Variants in PHF24 observed in about 807,000 individuals in gnomAD.
PHF24 encodes the protein Galpha inhibitory interacting protein.
A neutral mutation model predicts 42.6 loss-of-function variants in PHF24; 25 were observed. The observed-to-expected ratio is 0.59, with a 90% CI of 0.43 to 0.82. The LOEUF is 0.82. Ranked by LOEUF, PHF24 falls within the 40% of genes least tolerant of loss-of-function variation. PHF24 has a pLI of 0.00. For synonymous variants in PHF24, 185 were observed against 204.8 expected, an observed-to-expected ratio of 0.90 and a Z score of 0.83; for missense variants, 470 against 538.1, an observed-to-expected ratio of 0.87 and a Z score of 1.25.
chr9:34,773,043 T>G, the PHF24 span, among the ~76,000 whole-genome samples: 7 of 149,784 alleles, frequency 4.7e-5, no homozygotes, highest in East Asian at 1.4e-3. Context: ...CAGGCTGGAG[T>G]GCAACGGCGC....
the PHF24 span, among the ~76,000 whole-genome samples, chr9:34,711,052 C>T: frequency 1.3e-5 from 2 of 151,820 alleles, no homozygotes; most frequent in African/African-American, 4.8e-5. Context: ...ATAATACCAA[C>T]TTAGTTTCAA....
At chr9:34,928,061 C>T in the PHF24 span, among the ~76,000 whole-genome samples, 8 of 151,886 alleles carry the variant, frequency 5.3e-5, no homozygotes, top group Non-Finnish European at 8.8e-5. Flanking sequence ...ACTAAAAATA[C>T]AAAAATTAGC....
chr9:34,883,142 G>A, the PHF24 span, among the ~76,000 whole-genome samples: 1 of 152,170 alleles, frequency 6.6e-6, no homozygotes, highest in Non-Finnish European at 1.5e-5. Flanking sequence ...AGATGGTGCT[G>A]GGAAAACTGG....
At chr9:34,670,800 A>G in the PHF24 span, among the ~76,000 whole-genome samples, 1 of 152,136 alleles carries the variant, frequency 6.6e-6, no homozygotes, top group African/African-American at 2.4e-5. Flanking sequence ...TGTAGTACTA[A>G]GATACCTGGG....
At chr9:34,778,002 A>G in the PHF24 span, among the ~76,000 whole-genome samples, 1 of 152,178 alleles carries the variant, frequency 6.6e-6, no homozygotes, top group Non-Finnish European at 1.5e-5. Flanking sequence ...CTTTCCCCAC[A>G]TTGGTTTCTA....
intron 1 of PHF24, among the ~76,000 whole-genome samples, chr9:34,963,099 G>A (rs994328313): frequency 1.8e-4 from 28 of 152,092 alleles, no homozygotes; most frequent in Admixed American, 1.3e-3. Flanking sequence ...TAGTTTCTAG[G>A]CTACTGCCAG....
At chr9:34,886,004 T>C in the PHF24 span, among the ~76,000 whole-genome samples, 150 of 152,112 alleles carry the variant, frequency 9.9e-4, 3 homozygotes, top group East Asian at 9.1e-3. Flanking sequence ...CACACTCCCT[T>C]ATATGTGGAG....
the PHF24 span, among the ~76,000 whole-genome samples, chr9:34,720,762 C>T: frequency 1.3e-5 from 2 of 152,134 alleles, no homozygotes; most frequent in Non-Finnish European, 2.9e-5. Flanking sequence ...AGTCTCCATG[C>T]ATTTAGAGCT....
At chr9:34,893,683 G>A in the PHF24 span, among the ~76,000 whole-genome samples, 1 of 152,186 alleles carries the variant, frequency 6.6e-6, no homozygotes, top group African/African-American at 2.4e-5. Flanking sequence ...AGCTTGTTGG[G>A]CAAGGCTTCA....
the PHF24 span, among the ~76,000 whole-genome samples, chr9:34,671,515 C>T: frequency 2.0e-5 from 3 of 152,184 alleles, no homozygotes; most frequent in African/African-American, 4.8e-5. Context: ...TTTTATACCC[C>T]AGGGCAATGT....
the PHF24 span, among the ~76,000 whole-genome samples, chr9:34,780,485 A>C: frequency 6.3e-3 from 953 of 151,468 alleles, 10 homozygotes; most frequent in Non-Finnish European, 0.01. Context: ...GGGTTTCACC[A>C]TGTTGCCCAG....
the PHF24 span, among the ~76,000 whole-genome samples, chr9:34,879,954 G>A: frequency 1.3e-5 from 2 of 152,186 alleles, no homozygotes; most frequent in African/African-American, 2.4e-5. Context: ...CAGAGAGAAA[G>A]GTCAGGTTAC....
chr9:34,683,725 TTC>T, the PHF24 span, among the ~76,000 whole-genome samples: 3 of 152,202 alleles, frequency 2.0e-5, no homozygotes, highest in African/African-American at 7.2e-5. Flanking sequence ...GGGCAGGAAA[TTC>T]TCTGTTTTTC....
chr9:34,966,091 T>C (rs1826757278), intron 1 of PHF24, among the ~76,000 whole-genome samples: 1 of 152,214 alleles, frequency 6.6e-6, no homozygotes, highest in South Asian at 2.1e-4. Flanking sequence ...AAACTCACTG[T>C]TTTGTAGTCT....
chr9:34,686,944 T>A, the PHF24 span, among the ~76,000 whole-genome samples: 4 of 151,792 alleles, frequency 2.6e-5, no homozygotes, highest in African/African-American at 9.7e-5. Context: ...GTGCTGAGAA[T>A]GTTAGAGTGG....
the PHF24 span, chr9:34,917,533 G>T: frequency 2.6e-6 from 2 of 775,244 alleles, no homozygotes; most frequent in South Asian, 2.7e-5. Flanking sequence ...CCTGTAAACG[G>T]ATAATCGACG....
chr9:34,933,491 G>A, the PHF24 span, among the ~76,000 whole-genome samples: 26 of 152,020 alleles, frequency 1.7e-4, no homozygotes, highest in Admixed American at 1.6e-3. Context: ...TTGGGAGGCC[G>A]AGGTGAGTGG....
chr9:34,817,314 A>G, the PHF24 span, among the ~76,000 whole-genome samples: 1 of 152,136 alleles, frequency 6.6e-6, no homozygotes, highest in African/African-American at 2.4e-5. Context: ...GCACAATCAT[A>G]GCTCACTGCA....
At chr9:34,874,905 A>T in the PHF24 span, among the ~76,000 whole-genome samples, 1 of 152,192 alleles carries the variant, frequency 6.6e-6, no homozygotes, top group Non-Finnish European at 1.5e-5. Context: ...TAGGCACGTC[A>T]TGGAGAATGG....
Sources: gnomAD v4.1 joint callset for allele counts (sites outside exome capture counted in the v4.1 genomes callset) on GRCh38, gnomAD v4.1.1 for gene constraint, MANE v1.5 for transcripts, NCBI Gene and HGNC (gene_info 2026-07-23, HGNC 2026-07-21) for gene names.